Variants in LSAMP observed in about 807,000 individuals in gnomAD.
The protein encoded by LSAMP is limbic system associated membrane protein, also known as limbic system-associated membrane protein.
In LSAMP, 7 loss-of-function variants were observed where a neutral mutation model predicts 38.6. The observed-to-expected ratio is 0.18, with a 90% CI of 0.10 to 0.34. The LOEUF (loss-of-function observed/expected upper bound fraction) is 0.34. Ranked by LOEUF, LSAMP falls within the 10% of genes least tolerant of loss-of-function variation. The probability of loss-of-function intolerance (pLI) is 1.00; values close to 1 mark genes in which losing one functional copy is unlikely to be tolerated. For synonymous variants in LSAMP, 154 were observed against 166.8 expected (o/e 0.92, Z 0.59); for missense variants, 313 against 420.0 (o/e 0.75, Z 2.23).
At chr3:115,915,024 GCC>G (rs1377227499) in intron 3 of LSAMP, among the ~76,000 whole-genome samples, 3 of 152,202 alleles carry the variant, frequency 2.0e-5, no homozygotes, top group African/African-American at 4.8e-5. Context: ...TTTCCTGGAA[GCC>G]AGAAAGCAGC....
chr3:116,004,316 T>G (rs1044930859), intron 3 of LSAMP, among the ~76,000 whole-genome samples: 1 of 152,020 alleles, frequency 6.6e-6, no homozygotes, highest in Admixed American at 6.6e-5. Context: ...TATTCATCAT[T>G]ATAGTGATAC....
chr3:115,864,797 TAGAG>T lies in LSAMP; in HGVS notation c.515-12184_515-12181del, dbSNP rs1935811834. On this transcript the variant is annotated intron_variant, in intron 3 of 6. Coordinates refer to ENST00000490035, the MANE Select transcript of LSAMP (RefSeq NM_002338.5). ...AGTGTACATGGAGAATTTTCATGGA[TAGAG>T]AGAGCTAACTAATACCTGCCATACA... 2.0e-5 allele frequency among the ~76,000 whole-genome samples: 3 copies of T among 152,262 alleles called. No individual in the cohort carries two copies. In the South Asian group the frequency reaches 6.2e-4, roughly 32 times the overall value.
chr3:116,383,219 G>A (rs948803898), intron 1 of LSAMP, among the ~76,000 whole-genome samples: 1 of 152,106 alleles, frequency 6.6e-6, no homozygotes, highest in South Asian at 2.1e-4. Flanking sequence ...ATACTTTGAA[G>A]TATTTTTTCG....
At chr3:116,083,117 G>A (rs1448579637) in intron 2 of LSAMP, among the ~76,000 whole-genome samples, 1 of 152,136 alleles carries the variant, frequency 6.6e-6, no homozygotes, top group Admixed American at 6.5e-5. Flanking sequence ...GGGCTAGAGG[G>A]ACCCAAAATA....
intron 2 of LSAMP, among the ~76,000 whole-genome samples, chr3:116,043,616 GT>G (rs1322862731): frequency 6.6e-6 from 1 of 152,186 alleles, no homozygotes; most frequent in African/African-American, 2.4e-5. Flanking sequence ...GACCTGGTCT[GT>G]TGTGTGCAAA....
chr3:115,838,665 G>C (rs1023594329), intron 6 of LSAMP, among the ~76,000 whole-genome samples: 2 of 152,168 alleles, frequency 1.3e-5, no homozygotes, highest in Non-Finnish European at 2.9e-5. Flanking sequence ...AATGTGTGGA[G>C]AACTAGATGA....
At chr3:116,289,499 G>T (rs2047235769) in intron 1 of LSAMP, among the ~76,000 whole-genome samples, 1 of 151,940 alleles carries the variant, frequency 6.6e-6, no homozygotes, top group Non-Finnish European at 1.5e-5. Context: ...TGTTTGATTA[G>T]GTCAATGGCC....
Position 116,210,028 on chromosome 3 carries a change from A to G in LSAMP, c.156-123472T>C, listed in dbSNP as rs1023362268. Reference sequence around the variant, plus strand: ...CTCGGCCTCGCAAAGTCCTGGGATTACAGGCCTGAGCCACTGAGCCCGGCC... The same window carrying G: ...CTCGGCCTCGCAAAGTCCTGGGATTGCAGGCCTGAGCCACTGAGCCCGGCC... On this transcript the variant is annotated intron_variant, in intron 1 of 6. Coordinates refer to ENST00000490035, the MANE Select transcript of LSAMP (RefSeq NM_002338.5). Among the ~76,000 whole-genome samples, 9 of 152,116 alleles carry G rather than the reference A, an allele frequency of 5.9e-5. No individual in the cohort carries two copies. The East Asian group carries it at 9.6e-4, about 16-fold the overall frequency.
At chr3:116,380,400 T>A (rs1007449668) in intron 1 of LSAMP, among the ~76,000 whole-genome samples, 4 of 152,034 alleles carry the variant, frequency 2.6e-5, no homozygotes, top group Admixed American at 6.6e-5. Context: ...GATATATAAT[T>A]ATGTCCTATA....
chr3:115,955,700 G>A (rs1046389626), intron 3 of LSAMP, among the ~76,000 whole-genome samples: 26 of 152,166 alleles, frequency 1.7e-4, no homozygotes, highest in Non-Finnish European at 8.8e-5. Flanking sequence ...GAATTACCCA[G>A]GTACTTTTAA....
chr3:116,271,422 G>A (rs2046970866), intron 1 of LSAMP, among the ~76,000 whole-genome samples: 1 of 151,900 alleles, frequency 6.6e-6, no homozygotes, highest in Admixed American at 6.6e-5. Context: ...GTGTAAGATG[G>A]GATGAGAGAA....
At position 116,264,752 on chromosome 3, in the gene LSAMP, C is replaced by T. The variant is rs1485806682; in HGVS notation, c.156-178196G>A. Among the ~76,000 whole-genome samples the T allele has an allele frequency of 6.6e-5, 10 of 152,222 alleles. No individual in the cohort carries two copies. The East Asian group carries it at 1.4e-3, about 21-fold the overall frequency. On this transcript the variant is annotated intron_variant, in intron 1 of 6. Coordinates refer to ENST00000490035, the MANE Select transcript of LSAMP (RefSeq NM_002338.5). ...CAGTAGCTGGGACTAATGGTGCATG[C>T]TATCTTGCCCAGCTATTTTCTAATT... is the stretch of plus-strand genomic sequence containing the variant.
At chr3:116,251,928 T>C (rs1376501662) in intron 1 of LSAMP, among the ~76,000 whole-genome samples, 1 of 152,144 alleles carries the variant, frequency 6.6e-6, no homozygotes, top group Non-Finnish European at 1.5e-5. Context: ...ATTTGACCAA[T>C]AGTGACAAAT....
rs573572137 is a variant in LSAMP, at chr3:116,411,383, C to T, written c.155+33494G>A. On this transcript the variant is annotated intron_variant, in intron 1 of 6. Coordinates refer to ENST00000490035, the MANE Select transcript of LSAMP (RefSeq NM_002338.5). ...AAAGACTTGGAACCAACCCAAATGT[C>T]CAACAATGATAGACTGGATTAAGAA... 2.0e-5 allele frequency among the ~76,000 whole-genome samples: 3 copies of T among 151,888 alleles called. 1 individual carries two copies. The South Asian group carries it at 6.3e-4, about 32-fold the overall frequency.
rs1710780919 is a variant in LSAMP, at chr3:116,192,669, CAGCAA to C, written c.156-106118_156-106114del. ...TAAAGAAAAGTATTAGGTGATGAGT[CAGCAA>C]AGATAGAAAAATGGTCAAGTTTCTG... On this transcript the variant is annotated intron_variant, in intron 1 of 6. Coordinates refer to ENST00000490035, the MANE Select transcript of LSAMP (RefSeq NM_002338.5). 5.3e-5 allele frequency among the ~76,000 whole-genome samples: 8 copies of C among 152,302 alleles called. 1 individual carries two copies. In the South Asian group the frequency reaches 1.7e-3, roughly 32 times the overall value.
intron 3 of LSAMP, among the ~76,000 whole-genome samples, chr3:115,920,244 A>T (rs546413411): frequency 2.5e-3 from 375 of 152,226 alleles, no homozygotes; most frequent in African/African-American, 8.6e-3. Context: ...TAATTTTTAC[A>T]TTGTTTTGAG....
chr3:116,399,955 A>G (rs2048817044), intron 1 of LSAMP, among the ~76,000 whole-genome samples: 1 of 152,228 alleles, frequency 6.6e-6, no homozygotes, highest in Admixed American at 6.5e-5. Flanking sequence ...AAGAAAGGAA[A>G]CAGAAAATCA....
chr3:116,088,823 T>C lies in LSAMP; in HGVS notation c.156-2267A>G, dbSNP rs548250632. Among the ~76,000 whole-genome samples the C allele has an allele frequency of 3.3e-5, 5 of 152,272 alleles. No individual in the cohort carries two copies. The East Asian group carries it at 7.7e-4, about 24-fold the overall frequency. ...ACCTAAATATGGCCTGTGAATCCAA[T>C]AAAAACAGCAAATTTTTACCTTATT... On this transcript the variant is annotated intron_variant, in intron 1 of 6. Transcript: ENST00000490035.
chr3:116,246,862 G>C (rs1442419602), intron 1 of LSAMP, among the ~76,000 whole-genome samples: 1 of 152,112 alleles, frequency 6.6e-6, no homozygotes, highest in African/African-American at 2.4e-5. Flanking sequence ...AAATGTCCTG[G>C]TAGTGGTGAA....
Sources: allele counts gnomAD v4.1 joint callset (sites outside exome capture counted in the v4.1 genomes callset), GRCh38; gene constraint gnomAD v4.1.1; transcripts MANE v1.5; gene names NCBI Gene and HGNC (gene_info 2026-07-23, HGNC 2026-07-21).